NTNG1: variants seen among roughly 807,000 people sequenced by gnomAD.
NTNG1 encodes netrin G1.
A neutral mutation model predicts 54.0 loss-of-function variants in NTNG1; 16 were observed. That is an observed-to-expected ratio of 0.30 (90% CI 0.20 to 0.45). The LOEUF (loss-of-function observed/expected upper bound fraction) is 0.45, where lower values mean the gene tolerates loss of function less well. Ranked by LOEUF, NTNG1 falls within the 20% of genes least tolerant of loss-of-function variation. The pLI, the probability that NTNG1 is intolerant of heterozygous loss-of-function variation, is 1.00. For missense variants in NTNG1, 530 were observed against 678.7 expected (o/e 0.78, Z 2.43); for synonymous variants, 255 against 263.1 (o/e 0.97, Z 0.30).
chr1:107,231,731 G>A (rs753626338), intron 2 of NTNG1, among the ~76,000 whole-genome samples: 52 of 152,108 alleles, frequency 3.4e-4, no homozygotes, highest in Non-Finnish European at 6.8e-4. Flanking sequence ...CCAGTTCCCA[G>A]TATCTGTAAG....
chr1:107,334,472 A>G (rs1308334662), intron 3 of NTNG1, among the ~76,000 whole-genome samples: 1 of 151,242 alleles, frequency 6.6e-6, no homozygotes, highest in African/African-American at 2.4e-5. Context: ...GGGCCAAGAG[A>G]TGATGGGTGG....
At chr1:107,347,555 A>G (rs1296466557) in intron 3 of NTNG1, among the ~76,000 whole-genome samples, 1 of 152,110 alleles carries the variant, frequency 6.6e-6, no homozygotes, top group Middle Eastern at 3.2e-3. Flanking sequence ...TGGCCTCATG[A>G]GATTGTTGAG....
intron 2 of NTNG1, among the ~76,000 whole-genome samples, chr1:107,290,963 T>TATATTTTA (rs199789100): frequency 7.0e-6 from 1 of 142,530 alleles, no homozygotes; most frequent in Non-Finnish European, 1.5e-5. Flanking sequence ...TATATATATA[T>TATATTTTA]TATATATATA....
chr1:107,426,625 T>G (rs1041952185), intron 5 of NTNG1, among the ~76,000 whole-genome samples: 4 of 152,074 alleles, frequency 2.6e-5, no homozygotes, highest in African/African-American at 9.7e-5. Context: ...TGGTTCCTTT[T>G]GCTTAGAAAT....
intron 5 of NTNG1, among the ~76,000 whole-genome samples, chr1:107,419,371 T>G (rs1200194860): frequency 1.3e-5 from 2 of 151,178 alleles, no homozygotes; most frequent in African/African-American, 2.4e-5. Flanking sequence ...TTTCTGTCCT[T>G]AGAGCAGTAA....
At chr1:107,383,163 T>C (rs1042934703) in intron 3 of NTNG1, among the ~76,000 whole-genome samples, 13 of 152,222 alleles carry the variant, frequency 8.5e-5, no homozygotes, top group African/African-American at 3.1e-4. Flanking sequence ...AAATAATCTT[T>C]TTTTAAGTAG....
At chr1:107,461,517 G>A (rs903355207) in intron 7 of NTNG1, among the ~76,000 whole-genome samples, 4 of 151,762 alleles carry the variant, frequency 2.6e-5, no homozygotes, top group African/African-American at 9.7e-5. Context: ...TAGAGATATG[G>A]ATTCTCTTTT....
At chr1:107,267,949 C>G (rs556706315) in intron 2 of NTNG1, among the ~76,000 whole-genome samples, 1 of 152,236 alleles carries the variant, frequency 6.6e-6, no homozygotes, top group South Asian at 2.1e-4. Flanking sequence ...CTCTGCCCTT[C>G]TTTCCCATAC....
At chr1:107,421,290 A>G (rs878964506) in intron 5 of NTNG1, 1 of 529,180 alleles carries the variant, frequency 1.9e-6, no homozygotes, top group Non-Finnish European at 3.4e-6. Context: ...ATCGAATAGT[A>G]CTGAGAATCA....
chr1:107,233,211 A>G (rs1661186489), intron 2 of NTNG1, among the ~76,000 whole-genome samples: 1 of 152,236 alleles, frequency 6.6e-6, no homozygotes, highest in Admixed American at 6.5e-5. Context: ...GAGATAGAAG[A>G]TAAGAAATAC....
intron 2 of NTNG1, among the ~76,000 whole-genome samples, chr1:107,176,497 G>A (rs1393850434): frequency 6.6e-6 from 1 of 152,104 alleles, no homozygotes; most frequent in African/African-American, 2.4e-5. Flanking sequence ...GTTTGACAAA[G>A]TATGAATCTT....
rs996700 is a variant in NTNG1, at chr1:107,404,360, G to A, written c.1061-3322G>A. On this transcript the variant is annotated intron_variant, in intron 4 of 7. Transcript: ENST00000370068. ...AGCTCTGAGTTTCATGGAAGGCAAA[G>A]TGGTAAAAGGAATTTGTACATTGCC... Among the ~76,000 whole-genome samples, 1,343 of 152,186 alleles carry A rather than the reference G, an allele frequency of 8.8e-3. 16 individuals carry two copies. Among genetic ancestry groups the A allele is most frequent in the African/African-American group, 0.026 (1,085 of 41,544 alleles).
At chr1:107,395,367 T>A (rs1297980130) in intron 4 of NTNG1, 41 bp downstream of exon 4, 2 of 1,537,706 alleles carry the variant, frequency 1.3e-6, no homozygotes, top group African/African-American at 2.7e-5. Flanking sequence ...CTGTGCACCA[T>A]GAGGTGATAG....
Position 107,264,168 on chromosome 1 carries a change from G to A in NTNG1, c.247-60114G>A, listed in dbSNP as rs951724082. Among the ~76,000 whole-genome samples the A allele has an allele frequency of 3.3e-5, 5 of 151,618 alleles. 1 individual carries two copies. Among genetic ancestry groups the A allele is most frequent in the South Asian group, 4.2e-4 (2 of 4,792 alleles). ...CACACACGCCCACAAACACACACAC[G>A]CCCTTCTATTTTTCAGAATTCTTAG... On this transcript the variant is annotated intron_variant, in intron 2 of 7. Coordinates refer to ENST00000370068, the MANE Select transcript of NTNG1 (RefSeq NM_001113226.3).
chr1:107,154,592 T>C (rs1654822160), intron 2 of NTNG1, among the ~76,000 whole-genome samples: 1 of 78,222 alleles, frequency 1.3e-5, no homozygotes, highest in African/African-American at 6.1e-5. Context: ...CAAGACCCTG[T>C]CTCAAAAAAA....
chr1:107,223,872 G>T (rs942536766), intron 2 of NTNG1, among the ~76,000 whole-genome samples: 3 of 152,092 alleles, frequency 2.0e-5, no homozygotes, highest in Non-Finnish European at 4.4e-5. Flanking sequence ...AGATTGAAGG[G>T]TTATCCTTAG....
At chr1:107,206,372 A>G (rs1179609475) in intron 2 of NTNG1, among the ~76,000 whole-genome samples, 1 of 151,792 alleles carries the variant, frequency 6.6e-6, no homozygotes, top group African/African-American at 2.4e-5. Flanking sequence ...TTTTAATTTT[A>G]TTTTCCCTAT....
intron 2 of NTNG1, among the ~76,000 whole-genome samples, chr1:107,151,821 C>G (rs1464506487): frequency 6.6e-6 from 1 of 152,028 alleles, no homozygotes; most frequent in Non-Finnish European, 1.5e-5. Flanking sequence ...TTCCATTTAA[C>G]AATAGATCTC....
chr1:107,234,168 G>A (rs1156373506), intron 2 of NTNG1, among the ~76,000 whole-genome samples: 1 of 152,180 alleles, frequency 6.6e-6, no homozygotes, highest in African/African-American at 2.4e-5. Context: ...TGTTGCCCAG[G>A]CTGCAGAGCA....
Sources: allele counts gnomAD v4.1 joint callset (sites outside exome capture counted in the v4.1 genomes callset), GRCh38; gene constraint gnomAD v4.1.1; transcripts MANE v1.5; gene names NCBI Gene and HGNC (gene_info 2026-07-23, HGNC 2026-07-21).